F13A1: variants seen among roughly 807,000 people sequenced by gnomAD.
The protein encoded by F13A1 is coagulation factor XIII A chain.
In F13A1, 47 loss-of-function variants were observed where a neutral mutation model predicts 80.1. The observed-to-expected ratio is 0.59, with a 90% CI of 0.46 to 0.75. F13A1 has a LOEUF of 0.75. F13A1 is among the 30% of genes least tolerant of loss of function. F13A1 has a pLI of 0.00. For missense variants in F13A1, 817 were observed against 930.4 expected (o/e 0.88, Z 1.59); for synonymous variants, 349 against 344.9 (o/e 1.01, Z -0.13).
intron 6 of F13A1, among the ~76,000 whole-genome samples, chr6:6,242,859 T>G (rs1757501279): frequency 6.6e-6 from 1 of 152,214 alleles, no homozygotes; most frequent in Non-Finnish European, 1.5e-5. Context: ...TGTTTAGTCC[T>G]GGGAAACCTT....
Position 6,144,305 on chromosome 6 carries a change from G to C in F13A1, c.*1314C>G, listed in dbSNP as rs1022817602. 2.6e-5 allele frequency: 4 copies of C among 152,176 alleles called. No individual in the cohort carries two copies. The highest frequency in any genetic ancestry group is 7.2e-5 in the African/African-American group (3 of 41,428). 9.4% of individuals were successfully genotyped at this position (152,176 alleles called of 1,614,324 possible). A position where few individuals can be genotyped will look rare whatever the true frequency, so the allele number is the denominator to read the frequency against. On this transcript the variant is annotated 3_prime_UTR_variant, in exon 15 of 15. Coordinates refer to ENST00000264870, the MANE Select transcript of F13A1 (RefSeq NM_000129.4). ...GGTTAGTGCTGAAGGCTCAGGAACAGTCTCAAAGGCTTAGAAATGTGGTTA... is the reference window on the plus strand; with the variant it reads ...GGTTAGTGCTGAAGGCTCAGGAACACTCTCAAAGGCTTAGAAATGTGGTTA...
intron 2 of F13A1, among the ~76,000 whole-genome samples, chr6:6,313,642 A>G (rs1375893509): frequency 6.6e-6 from 1 of 151,270 alleles, no homozygotes; most frequent in Non-Finnish European, 1.5e-5. Context: ...ATTGTTATTG[A>G]ACTATAAGCA....
chr6:6,190,542 C>G (rs1761169115), intron 10 of F13A1, among the ~76,000 whole-genome samples: 1 of 151,242 alleles, frequency 6.6e-6, no homozygotes, highest in Non-Finnish European at 1.5e-5. Flanking sequence ...GCTCGGGGGT[C>G]AGGGGTCAGG....
chr6:6,150,486 TG>T (rs1469490634), intron 14 of F13A1, among the ~76,000 whole-genome samples: 1 of 152,220 alleles, frequency 6.6e-6, no homozygotes, highest in African/African-American at 2.4e-5. Flanking sequence ...ATCTCTTAAA[TG>T]ATGAGATGCA....
intron 8 of F13A1, among the ~76,000 whole-genome samples, chr6:6,202,036 C>A (rs56168858): frequency 0.024 from 3,616 of 152,110 alleles, 153 homozygotes; most frequent in African/African-American, 0.08. Flanking sequence ...AAAATCAAAT[C>A]ACATTGCAGG....
chr6:6,193,521 T>G (rs1761238115), intron 10 of F13A1, among the ~76,000 whole-genome samples: 1 of 152,148 alleles, frequency 6.6e-6, no homozygotes, highest in Admixed American at 6.6e-5. Context: ...CAAACATCTC[T>G]TAAAAATGGC....
intron 8 of F13A1, among the ~76,000 whole-genome samples, chr6:6,207,609 A>T (rs1761518668): frequency 6.6e-6 from 1 of 152,194 alleles, no homozygotes. Flanking sequence ...CTCATCTCTC[A>T]TCTCTGGTTG....
chr6:6,286,163 A>C (rs910558924), intron 3 of F13A1, among the ~76,000 whole-genome samples: 16 of 152,194 alleles, frequency 1.1e-4, no homozygotes, highest in African/African-American at 3.4e-4. Context: ...TTTCAGATGG[A>C]TTATTTGAGG....
At chr6:6,316,058 T>C (rs1758675242) in intron 2 of F13A1, among the ~76,000 whole-genome samples, 1 of 114,220 alleles carries the variant, frequency 8.8e-6, no homozygotes, top group Admixed American at 9.2e-5. Flanking sequence ...AGATGGTTTG[T>C]GTGCTGCTAT....
chr6:6,266,499 A>G (rs1486071601), intron 4 of F13A1, 59 bp downstream of exon 4: 2 of 1,613,760 alleles, frequency 1.2e-6, no homozygotes, highest in East Asian at 2.2e-5. Context: ...GGCATGTGCC[A>G]TGGCACCCCG....
At chr6:6,181,060 G>A (rs929896467) in intron 11 of F13A1, among the ~76,000 whole-genome samples, 2 of 152,100 alleles carry the variant, frequency 1.3e-5, no homozygotes, top group Non-Finnish European at 2.9e-5. Flanking sequence ...TGCTGGCCTC[G>A]GGCAGCTTTG....
At chr6:6,315,434 A>T (rs900216520) in intron 2 of F13A1, among the ~76,000 whole-genome samples, 8 of 74,504 alleles carry the variant, frequency 1.1e-4, no homozygotes, top group African/African-American at 5.7e-4. Context: ...CCTACCTCAA[A>T]TATTTCATTT....
intron 7 of F13A1, 110 bp from the exon 8 acceptor site, chr6:6,222,281 C>G (rs376325409): frequency 2.1e-6 from 3 of 1,408,598 alleles, no homozygotes. Context: ...ATGAAAAGCC[C>G]TTTGGACATG....
intron 8 of F13A1, among the ~76,000 whole-genome samples, chr6:6,217,458 C>A (rs1005129569): frequency 7.0e-6 from 1 of 143,812 alleles, no homozygotes; most frequent in African/African-American, 2.6e-5. Context: ...TATTCTCACT[C>A]ATAGGTGGGA....
chr6:6,196,053 C>G (rs1761284781), intron 9 of F13A1, among the ~76,000 whole-genome samples, 168 bp from the exon 10 acceptor site: 1 of 152,198 alleles, frequency 6.6e-6, no homozygotes. Context: ...ATTGGCTATG[C>G]CCCCTCAAGC....
chr6:6,238,499 A>G (rs993315061), intron 6 of F13A1, among the ~76,000 whole-genome samples: 1 of 152,130 alleles, frequency 6.6e-6, no homozygotes, highest in African/African-American at 2.4e-5. Flanking sequence ...GGGGATGACT[A>G]TTAAAGAACA....
chr6:6,294,114 G>GT (rs1038664193), intron 3 of F13A1, among the ~76,000 whole-genome samples: 2 of 136,274 alleles, frequency 1.5e-5, no homozygotes, highest in Admixed American at 7.0e-5. Flanking sequence ...TAAAAAAAAA[G>GT]TTTTTTTAAG....
Position 6,144,810 on chromosome 6 carries a change from G to A in F13A1, c.*809C>T, listed in dbSNP as rs1010065497. The stretch of plus-strand genomic sequence containing the variant: ...GTGAAATATAATCACTAACTAAAGA[G>A]ATAAATTCTTCACTTTACTTCCTAG... On this transcript the variant is annotated 3_prime_UTR_variant, in exon 15 of 15. Transcript: ENST00000264870. The A allele has an allele frequency of 1.3e-5, 2 of 152,642 alleles. No homozygotes were observed. Among genetic ancestry groups the A allele is most frequent in the African/African-American group, 4.8e-5 (2 of 41,436 alleles). 9.5% of individuals were successfully genotyped at this position (152,642 alleles called of 1,614,324 possible).
At chr6:6,288,075 A>G (rs1195626663) in intron 3 of F13A1, among the ~76,000 whole-genome samples, 1 of 152,238 alleles carries the variant, frequency 6.6e-6, no homozygotes, top group Admixed American at 6.5e-5. Flanking sequence ...CTATGTATAC[A>G]TTGTAGAAAG....
Sources: allele counts gnomAD v4.1 joint callset (sites outside exome capture counted in the v4.1 genomes callset), GRCh38; gene constraint gnomAD v4.1.1; transcripts MANE v1.5; gene names NCBI Gene and HGNC (gene_info 2026-07-23, HGNC 2026-07-21).